The following CASZ1 variants were observed in gnomAD, a reference collection of about 807,000 sequenced individuals.
The protein encoded by CASZ1 is zinc finger protein castor homolog 1.
In CASZ1, 28 loss-of-function variants were observed where a neutral mutation model predicts 135.2. That is an observed-to-expected ratio of 0.21 (90% CI 0.15 to 0.28). The LOEUF is 0.28. CASZ1 is among the 10% of genes least tolerant of loss of function. The probability of loss-of-function intolerance (pLI) is 1.00; values close to 1 mark genes in which losing one functional copy is unlikely to be tolerated. For synonymous variants in CASZ1, 1,068 were observed against 1,073.4 expected (o/e 0.99, Z 0.10); for missense variants, 2,161 against 2,453.3 (o/e 0.88, Z 2.52).
At chr1:10,796,054 G>A (rs1641064252) in intron 1 of CASZ1, among the ~76,000 whole-genome samples, 1 of 151,826 alleles carries the variant, frequency 6.6e-6, no homozygotes. Context: ...TCTGCTGCTG[G>A]GGGGTGGGGT....
In CASZ1 at chr1:10,687,227, G is replaced by A. The variant is rs1040260457; in HGVS notation, c.16+6647C>T. On this transcript the variant is annotated intron_variant, in intron 4 of 20. Coordinates refer to ENST00000377022, the MANE Select transcript of CASZ1 (RefSeq NM_001079843.3). ...CACTGAAAGAGCCCCATAAGAAAAG[G>A]CCAGGCGACCTTTGGGAACACCTGG... Among the ~76,000 whole-genome samples the A allele has an allele frequency of 3.3e-5, 5 of 152,306 alleles. No homozygotes were observed. In the East Asian group the frequency reaches 5.8e-4, roughly 18 times the overall value.
intron 1 of CASZ1, among the ~76,000 whole-genome samples, chr1:10,781,996 C>T (rs1330004100): frequency 6.6e-6 from 1 of 152,224 alleles, no homozygotes; most frequent in Non-Finnish European, 1.5e-5. Context: ...AAAGAGTCCC[C>T]TGAGGGGCCT....
rs1447005849 is a variant in CASZ1 at position 10,756,960 on chromosome 1, G to A, written c.-77+3741C>T. On this transcript the variant is annotated intron_variant, in intron 2 of 20. Transcript: ENST00000377022. The surrounding 1 kb of genome is among the most constrained non-coding windows in gnomAD (Gnocchi z 5.9). ...CAGCCAACTTTTAGACCCAATCTCA[G>A]ACCCAGCACAGAACCCAGGGAGCAA... is the stretch of plus-strand genomic sequence containing the variant. 6.6e-6 allele frequency among the ~76,000 whole-genome samples: 1 copy of A among 152,172 alleles called. No homozygotes were observed. Among genetic ancestry groups the A allele is most frequent in the East Asian group, 1.9e-4 (1 of 5,184 alleles).
In CASZ1 at chr1:10,637,257, C is replaced by T. The variant is rs1642023088; in HGVS notation, c.*1685G>A. ...CTGTCTGGGCAGATGCTCACAGCAGCACGTGGTGCCCACAGAGTTCAGGAG... is the reference window on the plus strand; with the variant it reads ...CTGTCTGGGCAGATGCTCACAGCAGTACGTGGTGCCCACAGAGTTCAGGAG... On this transcript the variant is annotated 3_prime_UTR_variant, in exon 21 of 21. Transcript: ENST00000377022. The T allele has an allele frequency of 6.6e-6, 1 of 152,362 alleles. No individual in the cohort carries two copies. The highest frequency in any genetic ancestry group is 1.5e-5 in the Non-Finnish European group (1 of 68,018). 9.4% of individuals were successfully genotyped at this position (152,362 alleles called of 1,614,324 possible). A position where few individuals can be genotyped will look rare whatever the true frequency, so the allele number is the denominator to read the frequency against.
At chr1:10,686,655 T>A (rs1445669022) in intron 4 of CASZ1, among the ~76,000 whole-genome samples, 1 of 152,216 alleles carries the variant, frequency 6.6e-6, no homozygotes, top group African/African-American at 2.4e-5. Flanking sequence ...TTTTATTACC[T>A]GTTTGACTCA....
intron 4 of CASZ1, among the ~76,000 whole-genome samples, chr1:10,670,198 G>A (rs552215489): frequency 1.2e-4 from 19 of 152,346 alleles, no homozygotes; most frequent in African/African-American, 4.6e-4. Flanking sequence ...CATCCTCTGA[G>A]CACCTCGTCT....
intron 4 of CASZ1, among the ~76,000 whole-genome samples, chr1:10,677,369 C>T (rs1266660695): frequency 6.6e-6 from 1 of 152,148 alleles, no homozygotes; most frequent in Non-Finnish European, 1.5e-5. Context: ...CCGAGGAGGG[C>T]AGGAGGGGAC....
Position 10,660,507 on chromosome 1 carries a change from C to T in CASZ1, c.535G>A (p.Ala179Thr), listed in dbSNP as rs1446477965. Residue 179 changes from alanine (A) to threonine (T), a missense_variant, in exon 6 of 21, where the codon GCC becomes ACC. By Grantham distance (58) the Ala-to-Thr change is moderately conservative. Around this residue, in one of 7 missense-constraint regions of CASZ1, gnomAD observed 590 missense variants for 609.8 expected, o/e 0.97. Transcript: ENST00000377022. ...GEASSLRDYA[A>T]STMTEFLGMF... ...CCGAGGAACTCGGTCATGGTGGAGG[C>T]CGCGTAGTCCCGCAGCGAGGAGGCC... 1.9e-6 allele frequency: 3 copies of T among 1,613,526 alleles called. No individual in the cohort carries two copies. Among genetic ancestry groups the T allele is most frequent in the Non-Finnish European group, 2.5e-6 (3 of 1,179,936 alleles).
intron 2 of CASZ1, among the ~76,000 whole-genome samples, chr1:10,754,391 G>A (rs1220319712): frequency 6.6e-6 from 1 of 152,118 alleles, no homozygotes; most frequent in Admixed American, 6.5e-5. Flanking sequence ...CCACAGTGTC[G>A]CTGAATGGAA....
intron 1 of CASZ1, among the ~76,000 whole-genome samples, chr1:10,768,590 G>A (rs1570576453): frequency 1.3e-5 from 2 of 152,336 alleles, no homozygotes; most frequent in South Asian, 4.1e-4. Context: ...TGAAGGGTGA[G>A]GAGGAGGCAT....
chr1:10,726,394 C>T lies in CASZ1; in HGVS notation c.-76-20850G>A, dbSNP rs1210661249. Reference sequence around the variant, plus strand: ...CCTCAGCCTACTCCGTATCTCCTTTCAGAAGATGCTATGAAATACTCATGG... The same window carrying T: ...CCTCAGCCTACTCCGTATCTCCTTTTAGAAGATGCTATGAAATACTCATGG... On this transcript the variant is annotated intron_variant, in intron 2 of 20. Transcript: ENST00000377022. This position sits in a 1 kb window ranked among gnomAD's most constrained non-coding sequence, Gnocchi z 5.7. Among the ~76,000 whole-genome samples the T allele has an allele frequency of 6.6e-6, 1 of 152,220 alleles. No homozygotes were observed. The highest frequency in any genetic ancestry group is 2.4e-5 in the African/African-American group (1 of 41,450).
intron 4 of CASZ1, 125 bp downstream of exon 4, chr1:10,693,749 G>T: frequency 1.2e-6 from 1 of 810,372 alleles, no homozygotes. Context: ...CCGGGAGGCA[G>T]CCGCCCGACC....
intron 4 of CASZ1, among the ~76,000 whole-genome samples, chr1:10,674,805 C>T (rs1643514432): frequency 1.3e-5 from 2 of 152,208 alleles, no homozygotes; most frequent in Non-Finnish European, 2.9e-5. Flanking sequence ...GCCTCCTGCT[C>T]CCATCCCCGC....
chr1:10,696,768 G>A (rs1638942965), intron 3 of CASZ1, among the ~76,000 whole-genome samples: 1 of 152,254 alleles, frequency 6.6e-6, no homozygotes, highest in African/African-American at 2.4e-5. Flanking sequence ...GACCCACACA[G>A]CCACTGGCTG....
intron 2 of CASZ1, among the ~76,000 whole-genome samples, chr1:10,752,802 A>G (rs205481): frequency 0.48 from 72,948 of 152,190 alleles, 20,092 homozygotes; most frequent in African/African-American, 0.77. Flanking sequence ...TTGGGAGGCC[A>G]AGGTGGGTGG....
chr1:10,777,211 G>T lies in CASZ1; in HGVS notation c.-233-16354C>A, dbSNP rs1280901177. Among the ~76,000 whole-genome samples the T allele has an allele frequency of 6.6e-6, 1 of 152,140 alleles. No individual in the cohort carries two copies. Among genetic ancestry groups the T allele is most frequent in the African/African-American group, 2.4e-5 (1 of 41,426 alleles). On this transcript the variant is annotated intron_variant, in intron 1 of 20. Transcript: ENST00000377022. The surrounding 1 kb of genome is among the most constrained non-coding windows in gnomAD (Gnocchi z 4.4). ...TCATAATGATGGAACGATCACACAG[G>T]TGTCTCTGAGCCCACCCGAGCCTCG...
At chr1:10,685,457 C>A (rs1191509054) in intron 4 of CASZ1, among the ~76,000 whole-genome samples, 1 of 152,242 alleles carries the variant, frequency 6.6e-6, no homozygotes, top group Admixed American at 6.5e-5. Context: ...ATTCCCAAGA[C>A]GCATTTCCCA....
At position 10,776,635 on chromosome 1, in the gene CASZ1, G is replaced by A. The variant is rs1288677766; in HGVS notation, c.-233-15778C>T. 6.6e-6 allele frequency among the ~76,000 whole-genome samples: 1 copy of A among 152,198 alleles called. No individual in the cohort carries two copies. The highest frequency in any genetic ancestry group is 2.4e-5 in the African/African-American group (1 of 41,432). On this transcript the variant is annotated intron_variant, in intron 1 of 20. Transcript: ENST00000377022. The surrounding 1 kb of genome is among the most constrained non-coding windows in gnomAD (Gnocchi z 4.1). ...GCTCTCCCTGGTACCAGCTAGGGGCGGGAGCTCCTGGGAGTCCTGGGGAAA... is the reference window on the plus strand; with the variant it reads ...GCTCTCCCTGGTACCAGCTAGGGGCAGGAGCTCCTGGGAGTCCTGGGGAAA...
Position 10,656,658 on chromosome 1 carries a change from C to G in CASZ1, c.1488G>C (p.Glu496Asp), listed in dbSNP as rs1365944992. The change falls in exon 8 of 21, where the codon GAG (glutamate) becomes GAC (aspartate). Residue 496 changes from glutamate (E) to aspartate (D), a missense_variant. By Grantham distance (45) the Glu-to-Asp change is conservative. Coordinates refer to ENST00000377022, the MANE Select transcript of CASZ1 (RefSeq NM_001079843.3). ...GCTGTGGCCGTACCTGGTAGTTACA[C>G]TCAGGGTCAAGGCAGTGGTAGTGCT... is the stretch of plus-strand genomic sequence containing the variant. ...YREHYHCLDP[E>D]CNYQRFTSKQ... 6.3e-7 allele frequency: 1 copy of G among 1,599,444 alleles called. No individual in the cohort carries two copies. Among genetic ancestry groups the G allele is most frequent in the Non-Finnish European group, 8.5e-7 (1 of 1,173,674 alleles).
Sources: gnomAD v4.1 joint callset for allele counts (sites outside exome capture counted in the v4.1 genomes callset) on GRCh38, gnomAD v4.1.1 for gene constraint, gnomAD v4.1.1 regional missense constraint, Gnocchi (gnomAD v3.1) non-coding constraint, MANE v1.5 for transcripts, NCBI Gene and HGNC (gene_info 2026-07-23, HGNC 2026-07-21) for gene names.